The following MIS18A variants were observed in gnomAD, a reference collection of about 807,000 sequenced individuals.
MIS18A encodes the protein MIS18 kinetochore protein A.
MIS18A carries 14 observed loss-of-function variants against 25.0 expected under a neutral mutation model. That is an observed-to-expected ratio of 0.56 (90% CI 0.37 to 0.88). The LOEUF is 0.88. Ranked by LOEUF, MIS18A falls within the 40% of genes least tolerant of loss-of-function variation. MIS18A has a pLI of 0.00. For missense variants in MIS18A, 292 were observed against 290.8 expected (o/e 1.00, Z -0.03); for synonymous variants, 134 against 118.6 (o/e 1.13, Z -0.84).
At position 32,268,693 on chromosome 21, in the gene MIS18A, C is replaced by T. The variant is rs574224061; in HGVS notation, c.*344G>A. Reference sequence around the variant, plus strand: ...TATCAAAATCAAAACTCCTAAGTCCCAATTCCAACAAGTACCATAAAACGT... The same window carrying T: ...TATCAAAATCAAAACTCCTAAGTCCTAATTCCAACAAGTACCATAAAACGT... On this transcript the variant is annotated 3_prime_UTR_variant, in exon 5 of 5. Transcript: ENST00000290130. The T allele has an allele frequency of 4.7e-5, 8 of 169,384 alleles. No homozygotes were observed. The South Asian group carries it at 1.2e-3, about 25-fold the overall frequency. The allele number at this position is 169,384 out of a possible 1,614,324, so 10.5% of individuals were successfully genotyped here. A position where few individuals can be genotyped will look rare whatever the true frequency, so the allele number is the denominator to read the frequency against.
the MIS18A span, among the ~76,000 whole-genome samples, chr21:32,241,380 A>AAAC: frequency 1.1e-4 from 17 of 151,820 alleles, no homozygotes; most frequent in South Asian, 2.1e-4. Context: ...AAAAAAAAAA[A>AAAC]AAAAAACTCA....
At chr21:32,272,777 T>C (rs185042092) in intron 2 of MIS18A, among the ~76,000 whole-genome samples, 35 of 152,344 alleles carry the variant, frequency 2.3e-4, no homozygotes, top group Non-Finnish European at 2.1e-4. Context: ...AAATTTAGTA[T>C]GTAATAGCAC....
intron 2 of MIS18A, among the ~76,000 whole-genome samples, chr21:32,270,876 T>TCA (rs2031702453): frequency 6.6e-6 from 1 of 152,216 alleles, no homozygotes; most frequent in South Asian, 2.1e-4. Context: ...CTGTCACTAC[T>TCA]CACCTCTGCC....
At chr21:32,246,989 A>C in the MIS18A span, among the ~76,000 whole-genome samples, 15,081 of 152,214 alleles carry the variant, frequency 0.099, 838 homozygotes, top group East Asian at 0.16. Flanking sequence ...ATAGATGATG[A>C]CTGGCTCCAA....
chr21:32,180,497 G>A, the MIS18A span, among the ~76,000 whole-genome samples: 2 of 152,166 alleles, frequency 1.3e-5, no homozygotes, highest in Non-Finnish European at 2.9e-5. Flanking sequence ...ATGATCTTGT[G>A]AATGCATTGT....
chr21:32,272,632 G>C (rs1260828027), intron 2 of MIS18A, among the ~76,000 whole-genome samples: 1 of 152,154 alleles, frequency 6.6e-6, no homozygotes. Flanking sequence ...ATCTCAGCTA[G>C]AACTAATAAC....
the MIS18A span, among the ~76,000 whole-genome samples, chr21:32,259,120 T>A: frequency 6.6e-6 from 1 of 152,094 alleles, no homozygotes; most frequent in Non-Finnish European, 1.5e-5. Context: ...GCGATCCTCC[T>A]GCCTCGGCCT....
chr21:32,227,517 C>A, the MIS18A span, among the ~76,000 whole-genome samples: 2 of 151,938 alleles, frequency 1.3e-5, no homozygotes, highest in Non-Finnish European at 2.9e-5. Context: ...CAAAAAGAAA[C>A]AGAAGTCTGA....
chr21:32,193,476 A>G, the MIS18A span, among the ~76,000 whole-genome samples: 1 of 93,004 alleles, frequency 1.1e-5, no homozygotes, highest in East Asian at 3.2e-4. Context: ...TGATAGATAG[A>G]TAGGTAGATA....
chr21:32,255,783 C>T, the MIS18A span, among the ~76,000 whole-genome samples: 4 of 150,908 alleles, frequency 2.7e-5, no homozygotes, highest in African/African-American at 9.7e-5. Flanking sequence ...GCTAGCTACT[C>T]GGGAGGTTGA....
chr21:32,165,266 G>A, the MIS18A span, among the ~76,000 whole-genome samples: 3 of 152,078 alleles, frequency 2.0e-5, no homozygotes, highest in South Asian at 6.2e-4. Context: ...CCAGGAGGCG[G>A]TGAGCAGAGA....
intron 4 of MIS18A, 82 bp downstream of exon 4, chr21:32,269,625 T>C (rs185802120): frequency 4.8e-4 from 375 of 788,858 alleles, no homozygotes; most frequent in Non-Finnish European, 4.0e-4. Context: ...GATGACGTTA[T>C]GAGAATTATC....
chr21:32,270,613 C>T (rs1422836968), intron 2 of MIS18A, 84 bp from the exon 3 acceptor site: 14 of 1,396,320 alleles, frequency 1.0e-5, no homozygotes, highest in Non-Finnish European at 1.0e-5. Flanking sequence ...CCATAAACAC[C>T]TCAGTTTCTC....
At chr21:32,199,925 T>C in the MIS18A span, among the ~76,000 whole-genome samples, 1 of 152,248 alleles carries the variant, frequency 6.6e-6, no homozygotes, top group Non-Finnish European at 1.5e-5. Flanking sequence ...TTGATTCATA[T>C]GCACATTAAG....
At chr21:32,274,978 T>C in intron 1 of MIS18A, 82 bp from the exon 2 acceptor site, 2 of 1,197,852 alleles carry the variant, frequency 1.7e-6, no homozygotes, top group Non-Finnish European at 2.4e-6. Context: ...TAATCCAACT[T>C]TTTAGAACTC....
At chr21:32,232,054 A>G in the MIS18A span, among the ~76,000 whole-genome samples, 1 of 152,226 alleles carries the variant, frequency 6.6e-6, no homozygotes, top group Non-Finnish European at 1.5e-5. Context: ...ATTCACAGTA[A>G]CCAAGATATG....
chr21:32,168,907 A>T, the MIS18A span, among the ~76,000 whole-genome samples: 4 of 152,210 alleles, frequency 2.6e-5, no homozygotes, highest in African/African-American at 4.8e-5. Context: ...TAAACAATCT[A>T]CATACTTCAA....
At chr21:32,269,831 A>C in intron 3 of MIS18A, 28 bp from the exon 4 acceptor site, 1 of 1,363,822 alleles carries the variant, frequency 7.3e-7, no homozygotes, top group Non-Finnish European at 1.0e-6. Flanking sequence ...GTTAAAATAC[A>C]AGCTGGGTGT....
At chr21:32,240,425 G>A in the MIS18A span, among the ~76,000 whole-genome samples, 34 of 152,294 alleles carry the variant, frequency 2.2e-4, no homozygotes, top group Middle Eastern at 3.4e-3. Flanking sequence ...CCAAACCTAC[G>A]GGGCCTTGTT....
Sources: gnomAD v4.1 joint callset for allele counts (sites outside exome capture counted in the v4.1 genomes callset) on GRCh38, gnomAD v4.1.1 for gene constraint, MANE v1.5 for transcripts, NCBI Gene and HGNC (gene_info 2026-07-23, HGNC 2026-07-21) for gene names.